CCDC149: variants seen among roughly 807,000 people sequenced by gnomAD.
CCDC149 encodes the protein coiled-coil domain containing 149.
CCDC149 carries 45 observed loss-of-function variants against 59.9 expected under a neutral mutation model. The observed-to-expected ratio is 0.75, with a 90% CI of 0.59 to 0.96. The LOEUF (loss-of-function observed/expected upper bound fraction) is 0.96, where lower values mean the gene tolerates loss of function less well. Ranked by LOEUF, CCDC149 falls within the 40% of genes least tolerant of loss-of-function variation. CCDC149 has a pLI of 0.00. For missense variants in CCDC149, 584 were observed against 664.7 expected, an observed-to-expected ratio of 0.88 and a Z score of 1.33; for synonymous variants, 245 against 260.6, an observed-to-expected ratio of 0.94 and a Z score of 0.58.
intron 3 of CCDC149, among the ~76,000 whole-genome samples, chr4:24,865,650 C>G (rs1022545157): frequency 9.2e-5 from 14 of 152,138 alleles, no homozygotes; most frequent in Admixed American, 8.5e-4. Flanking sequence ...ATTTCCAGGC[C>G]CCACAGGCAA....
At chr4:24,818,587 C>T (rs556884649) in intron 12 of CCDC149, among the ~76,000 whole-genome samples, 1 of 152,270 alleles carries the variant, frequency 6.6e-6, no homozygotes, top group East Asian at 1.9e-4. Flanking sequence ...AAAAGCTGAC[C>T]AGGGCTGTTG....
chr4:24,924,295 C>T (rs1722377716), intron 1 of CCDC149, among the ~76,000 whole-genome samples: 2 of 151,490 alleles, frequency 1.3e-5, no homozygotes. Flanking sequence ...AACTCTTCAT[C>T]TTACACATGT....
rs186691902 is a variant in CCDC149, at chr4:24,905,583, G to A, written c.63+7234C>T. On this transcript the variant is annotated intron_variant, in intron 1 of 12. Coordinates refer to ENST00000635206, the MANE Select transcript of CCDC149 (RefSeq NM_001330643.2). ...CCTGGGTAGCTGGGACTACAAGCGC[G>A]TGCCACCACGCCCAGCTAATTTTTG... is the stretch of plus-strand genomic sequence containing the variant. Among the ~76,000 whole-genome samples, 191 of 120,346 alleles carry A rather than the reference G, an allele frequency of 1.6e-3. 1 individual carries two copies. Among genetic ancestry groups the A allele is most frequent in the African/African-American group, 4.4e-3 (176 of 39,648 alleles). The allele number at this position is 120,346 out of a possible 152,430, so 79.0% of individuals were successfully genotyped here. A position where few individuals can be genotyped will look rare whatever the true frequency, so the allele number is the denominator to read the frequency against.
chr4:24,970,810 C>G (rs1419554982), intron 1 of CCDC149, among the ~76,000 whole-genome samples: 1 of 152,110 alleles, frequency 6.6e-6, no homozygotes, highest in Admixed American at 6.5e-5. Flanking sequence ...AGGCACTACT[C>G]TCTTGGGTTT....
intron 1 of CCDC149, chr4:24,895,078 G>T: frequency 7.0e-7 from 1 of 1,430,458 alleles, no homozygotes; most frequent in Non-Finnish European, 9.5e-7. Context: ...ATGAGTTAAT[G>T]ACGTGGCAAC....
intron 1 of CCDC149, among the ~76,000 whole-genome samples, chr4:24,975,811 A>C (rs1445082739): frequency 6.6e-6 from 1 of 151,740 alleles, no homozygotes; most frequent in South Asian, 2.1e-4. Flanking sequence ...CCAATCCCGC[A>C]TCTGTCTTTG....
chr4:24,930,112 C>T (rs768446736), intron 1 of CCDC149, among the ~76,000 whole-genome samples: 11 of 152,224 alleles, frequency 7.2e-5, no homozygotes, highest in Non-Finnish European at 1.5e-4. Flanking sequence ...TGTTTTTCAG[C>T]TGGAGGAGAC....
intron 1 of CCDC149, among the ~76,000 whole-genome samples, chr4:24,969,139 A>T (rs1723888646): frequency 6.6e-6 from 1 of 152,238 alleles, no homozygotes; most frequent in East Asian, 1.9e-4. Context: ...GGCTTGTTAG[A>T]AATGCCTGGC....
In CCDC149 at chr4:24,837,102, G is replaced by T; in HGVS notation, c.662+126C>A. ...GCATTGATGTCATCATTTCGGGGGA[G>T]TGAGTTTCTTTTCACTTGTAAGGCA... On this transcript the variant is annotated intron_variant, in intron 6 of 12. Coordinates refer to ENST00000635206, the MANE Select transcript of CCDC149 (RefSeq NM_001330643.2). This position sits in a 1 kb window ranked among gnomAD's most constrained non-coding sequence, Gnocchi z 4.3. 1.2e-6 allele frequency: 1 copy of T among 868,250 alleles called. No individual in the cohort carries two copies. Among genetic ancestry groups the T allele is most frequent in the Non-Finnish European group, 1.7e-6 (1 of 572,132 alleles). 53.8% of individuals were successfully genotyped at this position (868,250 alleles called of 1,614,324 possible). A position where few individuals can be genotyped will look rare whatever the true frequency, so the allele number is the denominator to read the frequency against.
chr4:24,900,242 T>C (rs1375025771), intron 1 of CCDC149, among the ~76,000 whole-genome samples: 1 of 152,244 alleles, frequency 6.6e-6, no homozygotes, highest in Non-Finnish European at 1.5e-5. Flanking sequence ...CATTGAATGC[T>C]GACCTTCTCC....
intron 3 of CCDC149, among the ~76,000 whole-genome samples, chr4:24,858,685 G>C (rs924051505): frequency 6.6e-6 from 1 of 152,200 alleles, no homozygotes; most frequent in African/African-American, 2.4e-5. Context: ...AATGATGCCT[G>C]CAGAAGCAAT....
chr4:24,870,397 C>T (rs527356853), intron 3 of CCDC149, among the ~76,000 whole-genome samples: 1 of 152,116 alleles, frequency 6.6e-6, no homozygotes, highest in South Asian at 2.1e-4. Flanking sequence ...GTAATTAATT[C>T]GTTTATTGTT....
At chr4:24,969,063 G>T (rs1723885962) in intron 1 of CCDC149, among the ~76,000 whole-genome samples, 1 of 152,208 alleles carries the variant, frequency 6.6e-6, no homozygotes, top group African/African-American at 2.4e-5. Context: ...GACATGCGAG[G>T]GGTAAACTGA....
intron 1 of CCDC149, among the ~76,000 whole-genome samples, chr4:24,928,601 C>A (rs1722495472): frequency 6.6e-6 from 1 of 152,200 alleles, no homozygotes; most frequent in Non-Finnish European, 1.5e-5. Flanking sequence ...CTTGTTCTTG[C>A]TTTCTTTGCT....
chr4:24,937,410 G>A (rs1276211038), intron 1 of CCDC149, among the ~76,000 whole-genome samples: 3 of 152,208 alleles, frequency 2.0e-5, no homozygotes, highest in Non-Finnish European at 2.9e-5. Flanking sequence ...TATTAGTCAC[G>A]ATAGACTAGG....
At chr4:24,933,191 A>AGTGAGGACTTGTATGTACTTAAAT in intron 1 of CCDC149, among the ~76,000 whole-genome samples, 1 of 152,322 alleles carries the variant, frequency 6.6e-6, no homozygotes, top group East Asian at 1.9e-4. Flanking sequence ...CTATCCTAAA[A>AGTGAGGACTTGTATGTACTTAAAT]GTGAGGACTT....
chr4:24,851,469 A>G (rs370177084), intron 4 of CCDC149, among the ~76,000 whole-genome samples: 13 of 152,210 alleles, frequency 8.5e-5, no homozygotes, highest in African/African-American at 3.1e-4. Context: ...GCAAACGTCA[A>G]TTCCTAAAAT....
chr4:24,907,245 C>T, intron 1 of CCDC149, among the ~76,000 whole-genome samples: 1 of 152,172 alleles, frequency 6.6e-6, no homozygotes, highest in East Asian at 1.9e-4. Flanking sequence ...TTAGGATCAC[C>T]TATGAGGTAG....
At chr4:24,893,682 T>C (rs1337864526) in intron 1 of CCDC149, among the ~76,000 whole-genome samples, 1 of 120,516 alleles carries the variant, frequency 8.3e-6, no homozygotes, top group Admixed American at 1.2e-4. Context: ...AACGGGGCAA[T>C]CTCAACTCAC....
Sources: gnomAD v4.1 joint callset for allele counts (sites outside exome capture counted in the v4.1 genomes callset) on GRCh38, gnomAD v4.1.1 for gene constraint, Gnocchi (gnomAD v3.1) non-coding constraint, MANE v1.5 for transcripts, NCBI Gene and HGNC (gene_info 2026-07-23, HGNC 2026-07-21) for gene names.